Variants in SYNPO observed in about 807,000 individuals in gnomAD.
SYNPO encodes synaptopodin.
Under a neutral mutation model 49.5 loss-of-function variants are expected in SYNPO, and 19 were observed. The observed-to-expected ratio is 0.38, with a 90% CI of 0.27 to 0.56. The LOEUF (loss-of-function observed/expected upper bound fraction) is 0.56, where lower values mean the gene tolerates loss of function less well. Ranked by LOEUF, SYNPO falls within the 20% of genes least tolerant of loss-of-function variation. The pLI is 0.68. For synonymous variants in SYNPO, 536 were observed against 548.0 expected (o/e 0.98, Z 0.31); for missense variants, 1,131 against 1,248.3 (o/e 0.91, Z 1.42).
chr5:150,593,744 G>T, the SYNPO span, among the ~76,000 whole-genome samples: 1 of 152,218 alleles, frequency 6.6e-6, no homozygotes, highest in Non-Finnish European at 1.5e-5. Flanking sequence ...ACAGGCATGA[G>T]CCACCACGCC....
rs1259426181 is a variant in SYNPO, at chr5:150,648,717, G to A, written c.442G>A (p.Glu148Lys). The A allele has an allele frequency of 6.2e-7, 1 of 1,614,214 alleles. No homozygotes were observed. The highest frequency in any genetic ancestry group is 2.2e-5 in the East Asian group (1 of 44,880). Residue 148 changes from glutamate (E) to lysine (K), a missense_variant, in exon 2 of 3, where the codon GAG (glutamate) becomes AAG (lysine). Transcript: ENST00000307662. This position sits in a 1 kb window ranked among gnomAD's most constrained non-coding sequence, Gnocchi z 5.0. Reference sequence around the variant, plus strand: ...TGATGGGCAACCCCAGGCACCGGCTGAGGAGGTGAGATGCAGCACACTCCT... The same window carrying A: ...TGATGGGCAACCCCAGGCACCGGCTAAGGAGGTGAGATGCAGCACACTCCT... ...CADGQPQAPA[E>K]EVRCSTLLID...
chr5:150,641,578 C>T (rs1050720843), intron 1 of SYNPO, among the ~76,000 whole-genome samples: 18 of 152,220 alleles, frequency 1.2e-4, no homozygotes, highest in Admixed American at 2.6e-4. Context: ...TCCATCCACA[C>T]GGGCCCCAGT....
chr5:150,592,175 GAAA>G, the SYNPO span, among the ~76,000 whole-genome samples: 2 of 151,618 alleles, frequency 1.3e-5, no homozygotes, highest in African/African-American at 4.8e-5. Flanking sequence ...GAAAAGAAAA[GAAA>G]AAGAAGAAGA....
chr5:150,627,738 C>T (rs1581478013), intron 2 of SYNPO, among the ~76,000 whole-genome samples: 1 of 152,006 alleles, frequency 6.6e-6, no homozygotes, highest in Non-Finnish European at 1.5e-5. Context: ...ATGCTCAAGG[C>T]TTTCTGGGGA....
chr5:150,610,768 G>A (rs893081663), intron 1 of SYNPO, among the ~76,000 whole-genome samples: 12 of 152,004 alleles, frequency 7.9e-5, no homozygotes, highest in African/African-American at 2.7e-4. Flanking sequence ...TACCAATAAC[G>A]AACTTGGAAA....
In SYNPO at chr5:150,656,530, C is replaced by T; in HGVS notation, c.2155C>T (p.Pro719Ser). Residue 719 changes from proline (P) to serine (S), a missense_variant, in exon 3 of 3, where the codon CCC (proline) becomes TCC (serine). Pro to Ser is a moderately conservative substitution (Grantham distance 74, BLOSUM62 -1). Around this residue, in one of 4 missense-constraint regions of SYNPO, gnomAD observed 509 missense variants for 484.5 expected, o/e 1.05. Transcript: ENST00000307662. ...AGGTCGCGGGAGCAGCATGAGCAGCCCCCCGCCGCTGCCGCCGCCACCGCC... is the reference window on the plus strand; with the variant it reads ...AGGTCGCGGGAGCAGCATGAGCAGCTCCCCGCCGCTGCCGCCGCCACCGCC... ...EPGRGSSMSS[P>S]PPLPPPPPMS... The T allele has an allele frequency of 6.5e-7, 1 of 1,528,836 alleles. No individual in the cohort carries two copies. Among genetic ancestry groups the T allele is most frequent in the South Asian group, 1.2e-5 (1 of 83,514 alleles). 94.7% of individuals were successfully genotyped at this position (1,528,836 alleles called of 1,614,324 possible). A position where few individuals can be genotyped will look rare whatever the true frequency, so the allele number is the denominator to read the frequency against.
At position 150,656,528 on chromosome 5, in the gene SYNPO, GC is replaced by G. The variant is rs1758558957; in HGVS notation, c.2159del (p.Pro720ArgfsTer219). ...WEPGRGSSMS[S>X]PPPLPPPPPM... ...CCAGGTCGCGGGAGCAGCATGAGCA[GC>G]CCCCCGCCGCTGCCGCCGCCACCGC... On this transcript the variant is annotated frameshift_variant, in exon 3 of 3. Transcript: ENST00000307662. LOFTEE classifies it high-confidence loss of function. The G allele has an allele frequency of 6.5e-7, 1 of 1,528,116 alleles. No individual in the cohort carries two copies. 94.7% of individuals were successfully genotyped at this position (1,528,116 alleles called of 1,614,324 possible).
intron 2 of SYNPO, among the ~76,000 whole-genome samples, chr5:150,619,230 G>A (rs942052676): frequency 3.9e-5 from 6 of 152,126 alleles, no homozygotes; most frequent in African/African-American, 1.4e-4. Context: ...TGGAGCTTGG[G>A]AGGTAGAGAC....
In SYNPO at chr5:150,656,751, G is replaced by GCCCCCA. The variant is rs1758576831; in HGVS notation, c.2381_2382insACCCCC (p.Pro799_Pro800dup). On this transcript the variant is annotated inframe_insertion, in exon 3 of 3. Transcript: ENST00000307662. ...CCCCGCCGAGGGCGCCACCGCCCCC[G>GCCCCCA]CCCCCGCCCCCGCCCCCGCCCCCGC... 1 of 320,496 alleles carries GCCCCCA rather than the reference G, an allele frequency of 3.1e-6. No individual in the cohort carries two copies. Among genetic ancestry groups the GCCCCCA allele is most frequent in the African/African-American group, 5.4e-5 (1 of 18,440 alleles). 19.9% of individuals were successfully genotyped at this position (320,496 alleles called of 1,614,324 possible).
chr5:150,609,560 G>A (rs1756786824), intron 1 of SYNPO, among the ~76,000 whole-genome samples: 1 of 152,236 alleles, frequency 6.6e-6, no homozygotes. Flanking sequence ...CTCCCAAAAT[G>A]CTGGGATTAT....
At position 150,648,867 on chromosome 5, in the gene SYNPO, C is replaced by T; in HGVS notation, c.592C>T (p.Pro198Ser). ...MSSSLLIDIQ[P>S]NTLVVSADQE... ...CAGCTCCCTGCTCATTGACATCCAG[C>T]CCAACACCCTAGTGGTGTCAGCAGA... Residue 198 changes from proline (P) to serine (S), a missense_variant, in exon 2 of 3, where the codon CCC becomes TCC. Around this residue, in one of 4 missense-constraint regions of SYNPO, gnomAD observed 602 missense variants for 720.7 expected, o/e 0.84. Coordinates refer to ENST00000307662, the MANE Select transcript of SYNPO (RefSeq NM_007286.6). The surrounding 1 kb of genome is among the most constrained non-coding windows in gnomAD (Gnocchi z 5.0). 1 of 1,614,252 alleles carries T rather than the reference C, an allele frequency of 6.2e-7. No individual in the cohort carries two copies. Among genetic ancestry groups the T allele is most frequent in the Non-Finnish European group, 8.5e-7 (1 of 1,180,042 alleles).
At position 150,618,789 on chromosome 5, in the gene SYNPO, C is replaced by T. The variant is rs192930640; in HGVS notation, c.400+22C>T. 4.1e-5 allele frequency: 63 copies of T among 1,550,778 alleles called. No individual in the cohort carries two copies. In the East Asian group the frequency reaches 1.5e-3, roughly 37 times the overall value. On this transcript the variant is annotated intron_variant, in intron 2 of 2. Transcript: ENST00000394243. ...CCAGGTAAGCTTGTGTTCCTTTTCC[C>T]TTGGACTACCAGAGTCACTGGAGAC...
chr5:150,652,259 T>C, intron 2 of SYNPO: 2 of 1,000,430 alleles, frequency 2.0e-6, no homozygotes, highest in Non-Finnish European at 2.4e-6. Flanking sequence ...CCGCCCTTCA[T>C]TCTGCAGCTC....
At chr5:150,651,264 G>A in intron 2 of SYNPO, 6 of 1,001,542 alleles carry the variant, frequency 6.0e-6, no homozygotes, top group Non-Finnish European at 7.2e-6. Flanking sequence ...CAGTGGAACG[G>A]GGCCCAGGGG....
rs1756920326 is a variant in SYNPO, at chr5:150,613,993, T to C, written c.-265-4110T>C. ...AGGCTGGACTGTGCCTTATAATCAT[T>C]GCAGTCTGTGCACACCAAGCACTTG... On this transcript the variant is annotated intron_variant, in intron 1 of 2. Transcript: ENST00000394243. Among the ~76,000 whole-genome samples the C allele has an allele frequency of 2.0e-5, 3 of 152,102 alleles. No individual in the cohort carries two copies. In the South Asian group the frequency reaches 6.2e-4, roughly 32 times the overall value.
intron 1 of SYNPO, among the ~76,000 whole-genome samples, chr5:150,605,022 A>G (rs1756652774): frequency 6.6e-6 from 1 of 152,204 alleles, no homozygotes. Flanking sequence ...GGGCAGGAAT[A>G]GCACCTACCT....
chr5:150,613,753 C>G (rs1347495638), intron 1 of SYNPO, among the ~76,000 whole-genome samples: 1 of 152,152 alleles, frequency 6.6e-6, no homozygotes, highest in East Asian at 1.9e-4. Context: ...CGCCCTATAG[C>G]CTTCCACCTA....
chr5:150,627,660 G>A (rs947311111), intron 2 of SYNPO, among the ~76,000 whole-genome samples: 2 of 152,196 alleles, frequency 1.3e-5, no homozygotes, highest in Non-Finnish European at 2.9e-5. Context: ...GCTACCGGGG[G>A]TTGGTGATTA....
In SYNPO at chr5:150,656,359, A is replaced by C. The variant is rs116042614; in HGVS notation, c.2029-45A>C. The C allele has an allele frequency of 1.6e-3, 2,315 of 1,416,492 alleles. 32 individuals are homozygous for C. The African/African-American group carries it at 0.03, about 19-fold the overall frequency. 87.7% of individuals were successfully genotyped at this position (1,416,492 alleles called of 1,614,324 possible). A position where few individuals can be genotyped will look rare whatever the true frequency, so the allele number is the denominator to read the frequency against. On this transcript the variant is annotated intron_variant, in intron 2 of 2. Transcript: ENST00000307662. ...CCCTTCCTAAAGCCCGGTGTGGAAG[A>C]CCTCAGCACTAATGCCTGCCCCACC...
Sources: gnomAD v4.1 joint callset for allele counts (sites outside exome capture counted in the v4.1 genomes callset) on GRCh38, gnomAD v4.1.1 for gene constraint, gnomAD v4.1.1 regional missense constraint, Gnocchi (gnomAD v3.1) non-coding constraint, MANE v1.5 for transcripts, NCBI Gene and HGNC (gene_info 2026-07-23, HGNC 2026-07-21) for gene names.